Variants in ACTL6A observed in about 807,000 individuals in gnomAD.
ACTL6A encodes the protein actin like 6A, also known as actin-like protein 6A.
In ACTL6A, 5 loss-of-function variants were observed where a neutral mutation model predicts 59.2. That is an observed-to-expected ratio of 0.08 (90% CI 0.04 to 0.18). ACTL6A has a LOEUF of 0.18. Ranked by LOEUF, ACTL6A falls within the 10% of genes least tolerant of loss-of-function variation. The probability of loss-of-function intolerance (pLI) is 1.00; values close to 1 mark genes in which losing one functional copy is unlikely to be tolerated. For synonymous variants in ACTL6A, 154 were observed against 171.8 expected, an observed-to-expected ratio of 0.90 and a Z score of 0.81; for missense variants, 285 against 526.9, an observed-to-expected ratio of 0.54 and a Z score of 4.49.
chr3:179,565,954 TTGAGA>T (rs1331263757), intron 1 of ACTL6A, among the ~76,000 whole-genome samples: 1 of 152,174 alleles, frequency 6.6e-6, no homozygotes, highest in African/African-American at 2.4e-5. Context: ...AGTTTCCCGG[TTGAGA>T]TAAGAGCTCG....
intron 9 of ACTL6A, 61 bp downstream of exon 9, chr3:179,580,762 C>T (rs975549601): frequency 3.2e-5 from 44 of 1,386,042 alleles, no homozygotes; most frequent in Non-Finnish European, 4.3e-5. Context: ...TTAAAAAATA[C>T]TTAATTGAAT....
At chr3:179,574,139 GAATTTT>G (rs1718096853) in intron 4 of ACTL6A, among the ~76,000 whole-genome samples, 1 of 151,958 alleles carries the variant, frequency 6.6e-6, no homozygotes, top group Non-Finnish European at 1.5e-5. Flanking sequence ...TATTATTAAA[GAATTTT>G]AATTCTTCTC....
In ACTL6A at chr3:179,581,207, T is replaced by C. The variant is rs140133249; in HGVS notation, c.1013T>C (p.Ile338Thr). ...VVTTSVGMCD[I>T]DIRPGLYGSV... ...ACCACAAGTGTTGGGATGTGTGATATTGACATCAGACCAGTAAGTGCCAGT... is the reference window on the plus strand; with the variant it reads ...ACCACAAGTGTTGGGATGTGTGATACTGACATCAGACCAGTAAGTGCCAGT... Residue 338 changes from isoleucine to threonine, a missense_variant, in exon 11 of 14, where the codon ATT becomes ACT. Transcript: ENST00000429709. 34 of 1,613,592 alleles carry C rather than the reference T, an allele frequency of 2.1e-5. No homozygotes were observed. The highest frequency in any genetic ancestry group is 2.3e-5 in the Non-Finnish European group (27 of 1,179,590).
At chr3:179,575,837 A>G (rs1298555503) in intron 5 of ACTL6A, among the ~76,000 whole-genome samples, 2 of 152,054 alleles carry the variant, frequency 1.3e-5, no homozygotes, top group Non-Finnish European at 2.9e-5. Context: ...AATTATCACA[A>G]CCTCCCACTG....
chr3:179,588,092 T>C lies in ACTL6A; in HGVS notation c.*82T>C. 9.6e-7 allele frequency: 1 copy of C among 1,046,954 alleles called. No individual in the cohort carries two copies. Among genetic ancestry groups the C allele is most frequent in the Non-Finnish European group, 1.3e-6 (1 of 742,570 alleles). 64.9% of individuals were successfully genotyped at this position (1,046,954 alleles called of 1,614,324 possible). ...TATACTCAGGAAAAGAATGACCATC[T>C]TTTGTAGAATGTTTATACATTTTTG... On this transcript the variant is annotated 3_prime_UTR_variant, in exon 14 of 14. Transcript: ENST00000429709.
At chr3:179,565,066 G>C (rs1717790090) in intron 1 of ACTL6A, among the ~76,000 whole-genome samples, 1 of 152,032 alleles carries the variant, frequency 6.6e-6, no homozygotes, top group Non-Finnish European at 1.5e-5. Flanking sequence ...AGTGATGCAG[G>C]AAATAGTGGT....
Position 179,570,471 on chromosome 3 carries a change from T to C in ACTL6A, c.277+230T>C. The C allele has an allele frequency of 2.4e-6, 1 of 408,544 alleles. No homozygotes were observed. The highest frequency in any genetic ancestry group is 3.3e-5 in the South Asian group (1 of 30,326). The allele number at this position is 408,544 out of a possible 1,614,324, so 25.3% of individuals were successfully genotyped here. On this transcript the variant is annotated intron_variant, in intron 3 of 13. Coordinates refer to ENST00000429709, the MANE Select transcript of ACTL6A (RefSeq NM_004301.5). The surrounding 1 kb of genome is among the most constrained non-coding windows in gnomAD (Gnocchi z 4.3). The stretch of plus-strand genomic sequence containing the variant: ...GAAATAGATGTATATATACAAATAA[T>C]GGTACACTGTGGGATAAGTGGTACA...
At chr3:179,579,769 CAA>C (rs1005056425) in intron 8 of ACTL6A, among the ~76,000 whole-genome samples, 19 of 152,124 alleles carry the variant, frequency 1.2e-4, no homozygotes, top group African/African-American at 4.6e-4. Flanking sequence ...GCCTGGACGA[CAA>C]GAGCAAGACT....
At chr3:179,586,743 CA>C in intron 13 of ACTL6A, 111 bp downstream of exon 13, 1 of 887,170 alleles carries the variant, frequency 1.1e-6, no homozygotes, top group South Asian at 1.7e-5. Context: ...TTATAACTGT[CA>C]AATGAGTGGA....
intron 1 of ACTL6A, among the ~76,000 whole-genome samples, chr3:179,568,033 A>C (rs1459622634): frequency 6.6e-6 from 1 of 151,868 alleles, no homozygotes; most frequent in Non-Finnish European, 1.5e-5. Context: ...TTAGCTGGGC[A>C]TGGTGGTGCG....
Position 179,570,509 on chromosome 3 carries a change from G to A in ACTL6A, c.277+268G>A. On this transcript the variant is annotated intron_variant, in intron 3 of 13. Coordinates refer to ENST00000429709, the MANE Select transcript of ACTL6A (RefSeq NM_004301.5). This position sits in a 1 kb window ranked among gnomAD's most constrained non-coding sequence, Gnocchi z 4.3. ...GATAAGTGGTACAATATAGGTATGT[G>A]CAATGAGCAATGGGATTAGAGAGGA... 3.8e-6 allele frequency: 1 copy of A among 265,140 alleles called. No individual in the cohort carries two copies. 16.4% of individuals were successfully genotyped at this position (265,140 alleles called of 1,614,324 possible).
At chr3:179,581,267 CTG>C in intron 11 of ACTL6A, 47 bp downstream of exon 11, 1 of 1,447,202 alleles carries the variant, frequency 6.9e-7, no homozygotes, top group African/African-American at 1.4e-5. Context: ...TTTTAGGGGA[CTG>C]AAATGTCCCC....
rs537445930 is a variant in ACTL6A, at chr3:179,571,251, A to G, written c.277+1010A>G. On this transcript the variant is annotated intron_variant, in intron 3 of 13. Transcript: ENST00000429709. ...AGCCTGGGCAACATGGCGAAACCCC[A>G]TCTCTACTAAAAATACAAAAATTTG... 8.5e-5 allele frequency among the ~76,000 whole-genome samples: 13 copies of G among 152,078 alleles called. No individual in the cohort carries two copies. In the East Asian group the frequency reaches 2.3e-3, roughly 27 times the overall value.
At position 179,588,055 on chromosome 3, in the gene ACTL6A, T is replaced by G. The variant is rs369088405; in HGVS notation, c.*45T>G. 2.2e-5 allele frequency: 32 copies of G among 1,428,476 alleles called. No homozygotes were observed. The highest frequency in any genetic ancestry group is 7.6e-5 in the South Asian group (6 of 78,648). 88.5% of individuals were successfully genotyped at this position (1,428,476 alleles called of 1,614,324 possible). A position where few individuals can be genotyped will look rare whatever the true frequency, so the allele number is the denominator to read the frequency against. On this transcript the variant is annotated 3_prime_UTR_variant, in exon 14 of 14. Transcript: ENST00000429709. The stretch of plus-strand genomic sequence containing the variant: ...TACCTTCCTTTTGTCACCTTACGTT[T>G]CATAGCTTTAGTATACTCAGGAAAA...
At chr3:179,567,443 G>T (rs572126755) in intron 1 of ACTL6A, among the ~76,000 whole-genome samples, 1 of 152,284 alleles carries the variant, frequency 6.6e-6, no homozygotes, top group East Asian at 1.9e-4. Context: ...GGTACTAGGG[G>T]TTAGGATTTT....
At position 179,570,068 on chromosome 3, in the gene ACTL6A, T is replaced by G; in HGVS notation, c.104T>G (p.Val35Gly). 1 of 1,612,778 alleles carries G rather than the reference T, an allele frequency of 6.2e-7. No homozygotes were observed. Among genetic ancestry groups the G allele is most frequent in the Non-Finnish European group, 8.5e-7 (1 of 1,179,528 alleles). The change falls in exon 3 of 14, where the codon GTG becomes GGG. Residue 35 changes from valine (V) to glycine (G), a missense_variant and splice_region_variant. Physicochemically the swap from Val to Gly is moderately radical, Grantham distance 109 (BLOSUM62 -3). Coordinates refer to ENST00000429709, the MANE Select transcript of ACTL6A (RefSeq NM_004301.5). This position sits in a 1 kb window ranked among gnomAD's most constrained non-coding sequence, Gnocchi z 4.3. ...ATGTCATGTTTCTGACTCTTACAGG[T>G]GGATTTTCCTACAGCTATTGGTATG... ...AGYAGEDCPK[V>G]DFPTAIGMVV...
At chr3:179,566,484 A>G (rs1576847588) in intron 1 of ACTL6A, among the ~76,000 whole-genome samples, 1 of 152,324 alleles carries the variant, frequency 6.6e-6, no homozygotes, top group East Asian at 1.9e-4. Context: ...TAGGGCTGCC[A>G]TAATAAAGTA....
At chr3:179,563,766 G>A (rs1284927023) in intron 1 of ACTL6A, among the ~76,000 whole-genome samples, 2 of 152,208 alleles carry the variant, frequency 1.3e-5, no homozygotes, top group Non-Finnish European at 2.9e-5. Context: ...GATCAATTCA[G>A]GAGCACGTGT....
intron 12 of ACTL6A, among the ~76,000 whole-genome samples, chr3:179,584,624 A>T (rs1023982894): frequency 2.0e-5 from 3 of 151,926 alleles, no homozygotes; most frequent in Admixed American, 6.6e-5. Flanking sequence ...AAAAAAAAAA[A>T]AATAACAAAA....
Sources: gnomAD v4.1 joint callset for allele counts (sites outside exome capture counted in the v4.1 genomes callset) on GRCh38, gnomAD v4.1.1 for gene constraint, Gnocchi (gnomAD v3.1) non-coding constraint, MANE v1.5 for transcripts, NCBI Gene and HGNC (gene_info 2026-07-23, HGNC 2026-07-21) for gene names.